The following MAP3K5 variants were observed in gnomAD, a reference collection of about 807,000 sequenced individuals.
MAP3K5 encodes ASK-1.
In MAP3K5, 56 loss-of-function variants were observed where a neutral mutation model predicts 158.7. That is an observed-to-expected ratio of 0.35 (90% CI 0.28 to 0.44). The LOEUF (loss-of-function observed/expected upper bound fraction) is 0.44. Among genes scored for constraint, MAP3K5 ranks in the 20% least tolerant of loss-of-function variants. MAP3K5 has a pLI of 1.00. For missense variants in MAP3K5, 1,294 were observed against 1,674.8 expected (o/e 0.77, Z 3.97); for synonymous variants, 579 against 601.7 (o/e 0.96, Z 0.55).
chr6:136,653,096 A>C lies in MAP3K5; in HGVS notation c.1681-2005T>G, dbSNP rs184588663. ...AGGATAGATATTAACCAGATGTTTAAGTTTCTACAGGGTCTTTGAAGTACC... is the reference window on the plus strand; with the variant it reads ...AGGATAGATATTAACCAGATGTTTACGTTTCTACAGGGTCTTTGAAGTACC... On this transcript the variant is annotated intron_variant, in intron 10 of 29. Transcript: ENST00000359015. Among the ~76,000 whole-genome samples, 3 of 152,330 alleles carry C rather than the reference A, an allele frequency of 2.0e-5. No homozygotes were observed. In the East Asian group the frequency reaches 5.8e-4, roughly 29 times the overall value.
At chr6:136,703,595 T>G (rs1780945671) in intron 3 of MAP3K5, among the ~76,000 whole-genome samples, 1 of 152,216 alleles carries the variant, frequency 6.6e-6, no homozygotes, top group African/African-American at 2.4e-5. Context: ...TGAGATAAAT[T>G]AAACAGTTTC....
At chr6:136,583,430 T>C (rs1774976005) in intron 24 of MAP3K5, 125 bp downstream of exon 24, 4 of 893,924 alleles carry the variant, frequency 4.5e-6, no homozygotes, top group South Asian at 2.0e-5. Context: ...ATATCTCACA[T>C]TTTTCATCCA....
intron 21 of MAP3K5, among the ~76,000 whole-genome samples, chr6:136,598,575 T>C (rs535043228): frequency 1.9e-4 from 29 of 152,320 alleles, no homozygotes; most frequent in African/African-American, 6.3e-4. Flanking sequence ...TGGGTCTGTG[T>C]GTGGCCATGG....
At position 136,613,034 on chromosome 6, in the gene MAP3K5, T is replaced by C; in HGVS notation, c.2415+86A>G. On this transcript the variant is annotated intron_variant, in intron 17 of 29. Coordinates refer to ENST00000359015, the MANE Select transcript of MAP3K5 (RefSeq NM_005923.4). The surrounding 1 kb of genome is among the most constrained non-coding windows in gnomAD (Gnocchi z 4.0). ...TTACTTATTCACCATTCTAAATTAA[T>C]ACTCATAACACAATATGACTTTTGC... is the stretch of plus-strand genomic sequence containing the variant. 1.6e-6 allele frequency: 2 copies of C among 1,235,766 alleles called. No individual in the cohort carries two copies. Among genetic ancestry groups the C allele is most frequent in the Non-Finnish European group, 2.2e-6 (2 of 897,734 alleles). The allele number at this position is 1,235,766 out of a possible 1,614,324, so 76.6% of individuals were successfully genotyped here. A position where few individuals can be genotyped will look rare whatever the true frequency, so the allele number is the denominator to read the frequency against.
At chr6:136,743,059 C>T (rs539589717) in intron 1 of MAP3K5, among the ~76,000 whole-genome samples, 1 of 152,102 alleles carries the variant, frequency 6.6e-6, no homozygotes, top group African/African-American at 2.4e-5. Flanking sequence ...CACTGCACTC[C>T]AGCCTGGGTG....
chr6:136,720,267 G>A (rs1562643315), intron 2 of MAP3K5, among the ~76,000 whole-genome samples, 183 bp downstream of exon 2: 2 of 152,050 alleles, frequency 1.3e-5, no homozygotes, highest in African/African-American at 2.4e-5. Flanking sequence ...TTTCCTACTC[G>A]TGTCATCAAA....
chr6:136,654,861 C>T (rs1371062874), intron 10 of MAP3K5, among the ~76,000 whole-genome samples: 1 of 152,034 alleles, frequency 6.6e-6, no homozygotes, highest in Non-Finnish European at 1.5e-5. Context: ...TCCTATTTGG[C>T]ATGTTCATGG....
chr6:136,681,752 TA>T (rs1282369038), intron 7 of MAP3K5, among the ~76,000 whole-genome samples: 3 of 152,168 alleles, frequency 2.0e-5, no homozygotes, highest in African/African-American at 7.2e-5. Context: ...CCGTCTCTAC[TA>T]AAAATACAAA....
At chr6:136,561,687 C>A (rs749484190) in intron 27 of MAP3K5, 42 bp from the exon 28 acceptor site, 1 of 1,116,892 alleles carries the variant, frequency 9.0e-7, no homozygotes. Flanking sequence ...TTTCACCTAA[C>A]AGAGGTCATC....
At chr6:136,728,102 C>G (rs1323159759) in intron 1 of MAP3K5, among the ~76,000 whole-genome samples, 1 of 152,028 alleles carries the variant, frequency 6.6e-6, no homozygotes, top group African/African-American at 2.4e-5. Context: ...GAGGATAACA[C>G]AAGGTTTATC....
intron 18 of MAP3K5, among the ~76,000 whole-genome samples, chr6:136,606,295 G>A (rs1450691351): frequency 1.3e-5 from 2 of 152,138 alleles, no homozygotes; most frequent in South Asian, 2.1e-4. Context: ...AGGTTGCAGT[G>A]AGCCGAGATC....
intron 1 of MAP3K5, among the ~76,000 whole-genome samples, chr6:136,755,796 ATAG>A (rs1467772456): frequency 6.6e-6 from 1 of 152,166 alleles, no homozygotes. Context: ...ACAGGCTAGA[ATAG>A]TATCTTGTAT....
intron 11 of MAP3K5, chr6:136,647,909 C>T (rs1778341997): frequency 6.6e-6 from 1 of 152,368 alleles, no homozygotes; most frequent in South Asian, 2.1e-4. Context: ...CCAGCACAGT[C>T]CCAAAGTCCA....
intron 27 of MAP3K5, 118 bp from the exon 28 acceptor site, chr6:136,561,763 T>A: frequency 1.7e-6 from 1 of 603,728 alleles, no homozygotes; most frequent in East Asian, 2.8e-5. Context: ...CAGAGAACAG[T>A]TCATAGAAAC....
intron 1 of MAP3K5, among the ~76,000 whole-genome samples, chr6:136,730,376 T>G (rs1018749797): frequency 3.3e-5 from 5 of 151,656 alleles, no homozygotes; most frequent in Admixed American, 3.3e-4. Flanking sequence ...AATATATTAC[T>G]GATAGCAGTC....
Position 136,592,344 on chromosome 6 carries a change from G to T in MAP3K5, c.3057-3C>A. 6.3e-7 allele frequency: 1 copy of T among 1,588,926 alleles called. No homozygotes were observed. Among genetic ancestry groups the T allele is most frequent in the Non-Finnish European group, 8.6e-7 (1 of 1,166,924 alleles). The stretch of plus-strand genomic sequence containing the variant: ...CTTCAAAATTCTCATCTGGAATGCT[G>T]AGAAAATTTATGCAGCATAAATCAC... On this transcript the variant is annotated splice_region_variant and splice_polypyrimidine_tract_variant and intron_variant, in intron 22 of 29. Coordinates refer to ENST00000359015, the MANE Select transcript of MAP3K5 (RefSeq NM_005923.4).
rs945114008 is a variant in MAP3K5, at chr6:136,769,228, T to A, written c.448+22482A>T. ...ACATGGATGAAGCACGAAAGCATTA[T>A]GCTAAGTGAAAGAAGCCAGTCACAA... On this transcript the variant is annotated intron_variant, in intron 1 of 29. Coordinates refer to ENST00000359015, the MANE Select transcript of MAP3K5 (RefSeq NM_005923.4). Among the ~76,000 whole-genome samples, 5 of 152,336 alleles carry A rather than the reference T, an allele frequency of 3.3e-5. No individual in the cohort carries two copies. In the East Asian group the frequency reaches 9.7e-4, roughly 29 times the overall value.
chr6:136,763,727 C>A (rs1170953694), intron 1 of MAP3K5, among the ~76,000 whole-genome samples: 1 of 152,120 alleles, frequency 6.6e-6, no homozygotes, highest in Non-Finnish European at 1.5e-5. Flanking sequence ...TTGTCCCCTC[C>A]AAGTGTCATG....
chr6:136,713,344 G>T (rs1182325169), intron 2 of MAP3K5, among the ~76,000 whole-genome samples: 1 of 152,160 alleles, frequency 6.6e-6, no homozygotes, highest in Non-Finnish European at 1.5e-5. Context: ...TCAAAACAGT[G>T]GGCAAGGAGT....
Sources: gnomAD v4.1 joint callset for allele counts (sites outside exome capture counted in the v4.1 genomes callset) on GRCh38, gnomAD v4.1.1 for gene constraint, Gnocchi (gnomAD v3.1) non-coding constraint, MANE v1.5 for transcripts, NCBI Gene and HGNC (gene_info 2026-07-23, HGNC 2026-07-21) for gene names.